Variants in VPS50 observed in about 807,000 individuals in gnomAD.
VPS50 encodes the protein VPS50 subunit of EARP/GARPII complex.
VPS50 carries 70 observed loss-of-function variants against 139.7 expected under a neutral mutation model. The ratio of observed to expected loss-of-function variants is 0.50; its 90% CI spans 0.41 to 0.61. The LOEUF (loss-of-function observed/expected upper bound fraction) is 0.61. Ranked by LOEUF, VPS50 falls within the 20% of genes least tolerant of loss-of-function variation. The probability of loss-of-function intolerance (pLI) is 0.00; values close to 1 mark genes in which losing one functional copy is unlikely to be tolerated. For missense variants in VPS50, 921 were observed against 1,133.7 expected (o/e 0.81, Z 2.69); for synonymous variants, 365 against 376.7 (o/e 0.97, Z 0.36).
chr7:93,348,753 G>C lies in VPS50; in HGVS notation c.2250G>C (p.Leu750=), dbSNP rs376064331. 12 of 1,613,556 alleles carry C rather than the reference G, an allele frequency of 7.4e-6. No homozygotes were observed. The Admixed American group carries it at 1.8e-4, about 25-fold the overall frequency. ...AEQFEFLQPH[L]DAVMPAVKKP... ...AGTTTGAGTTCCTTCAGCCACATCT[G>C]GATGCTGTGATGCCTGCAGTCAAAA... The change falls in exon 24 of 28, where the codon CTG becomes CTC. Residue 750 remains leucine (L), a synonymous_variant. Coordinates refer to ENST00000305866, the MANE Select transcript of VPS50 (RefSeq NM_017667.4).
chr7:93,357,764 A>G (rs1235817987), intron 27 of VPS50, among the ~76,000 whole-genome samples: 2 of 152,144 alleles, frequency 1.3e-5, no homozygotes, highest in Non-Finnish European at 2.9e-5. Context: ...TTCAGGAACC[A>G]GATGGATTTG....
intron 21 of VPS50, 56 bp downstream of exon 21, chr7:93,323,788 G>A: frequency 1.0e-6 from 1 of 973,682 alleles, no homozygotes; most frequent in Non-Finnish European, 1.4e-6. Context: ...TTTTATAAAT[G>A]TCAAAGTTTT....
intron 19 of VPS50, among the ~76,000 whole-genome samples, chr7:93,309,438 G>C (rs534861273): frequency 3.3e-5 from 5 of 151,936 alleles, no homozygotes; most frequent in Non-Finnish European, 7.4e-5. Flanking sequence ...AAAATATTGG[G>C]CATAATCAAA....
At chr7:93,299,640 C>T (rs1317804002) in intron 16 of VPS50, among the ~76,000 whole-genome samples, 1 of 152,106 alleles carries the variant, frequency 6.6e-6, no homozygotes, top group African/African-American at 2.4e-5. Flanking sequence ...TTTGGTGGAA[C>T]ATCTACTTAT....
chr7:93,254,283 T>A (rs1051239724), intron 4 of VPS50, among the ~76,000 whole-genome samples: 3 of 152,240 alleles, frequency 2.0e-5, no homozygotes, highest in African/African-American at 4.8e-5. Flanking sequence ...TCCTTTTTGT[T>A]TTTTGAGACA....
intron 13 of VPS50, 96 bp from the exon 14 acceptor site, chr7:93,294,449 T>C: frequency 9.4e-7 from 1 of 1,058,780 alleles, no homozygotes; most frequent in South Asian, 2.0e-5. Context: ...GTATCTTACA[T>C]AGACTTACAA....
chr7:93,260,677 T>G lies in VPS50; in HGVS notation c.659+1045T>G, dbSNP rs191653369. Among the ~76,000 whole-genome samples the G allele has an allele frequency of 5.3e-5, 8 of 151,418 alleles. No individual in the cohort carries two copies. In the East Asian group the frequency reaches 7.7e-4, roughly 15 times the overall value. On this transcript the variant is annotated intron_variant, in intron 9 of 27. Transcript: ENST00000305866. ...ATGTGCAGATTGAAGTTACATGTTTTTTTGTTTGTTTGTTTGTTTGTTTGT... is the reference window on the plus strand; with the variant it reads ...ATGTGCAGATTGAAGTTACATGTTTGTTTGTTTGTTTGTTTGTTTGTTTGT...
chr7:93,254,009 T>G (rs1430668555), intron 4 of VPS50, 78 bp downstream of exon 4: 5 of 687,094 alleles, frequency 7.3e-6, no homozygotes, highest in Non-Finnish European at 9.7e-6. Context: ...GTTTGCAGAT[T>G]TATGGTTTTA....
At chr7:93,352,012 T>C (rs557406549) in intron 25 of VPS50, among the ~76,000 whole-genome samples, 2 of 152,332 alleles carry the variant, frequency 1.3e-5, no homozygotes, top group Admixed American at 1.3e-4. Context: ...TTTCTAAGTC[T>C]AAGCATCTAA....
intron 2 of VPS50, among the ~76,000 whole-genome samples, chr7:93,246,977 A>G (rs1452962158): frequency 6.6e-6 from 1 of 151,936 alleles, no homozygotes; most frequent in Admixed American, 6.6e-5. Context: ...AGCTTTGCTA[A>G]ATCAAAGATG....
chr7:93,256,313 A>G (rs1461193112), intron 4 of VPS50, 196 bp from the exon 5 acceptor site: 2 of 378,428 alleles, frequency 5.3e-6, no homozygotes, highest in East Asian at 8.6e-5. Context: ...GACCTGTGCT[A>G]TGTGCTTTAT....
intron 25 of VPS50, among the ~76,000 whole-genome samples, chr7:93,351,928 A>G (rs773029477): frequency 2.0e-5 from 3 of 152,182 alleles, no homozygotes; most frequent in African/African-American, 4.8e-5. Flanking sequence ...CCTGAGCCCA[A>G]TTTTTAGCAG....
chr7:93,348,815 A>G lies in VPS50; in HGVS notation c.2304+8A>G, dbSNP rs774115699. ...CAGCAGTTCTATTCTCAGGTCAGAC[A>G]TGGTCTTGTATGTCATTTCAACTGT... On this transcript the variant is annotated splice_region_variant and intron_variant, in intron 24 of 27. Coordinates refer to ENST00000305866, the MANE Select transcript of VPS50 (RefSeq NM_017667.4). 2.0e-6 allele frequency: 3 copies of G among 1,520,194 alleles called. No individual in the cohort carries two copies. The highest frequency in any genetic ancestry group is 2.2e-5 in the South Asian group (2 of 88,986). The allele number at this position is 1,520,194 out of a possible 1,614,324, so 94.2% of individuals were successfully genotyped here. A position where few individuals can be genotyped will look rare whatever the true frequency, so the allele number is the denominator to read the frequency against.
Position 93,263,989 on chromosome 7 carries a change from G to T in VPS50, c.659+4357G>T, listed in dbSNP as rs537176295. 5.3e-5 allele frequency among the ~76,000 whole-genome samples: 8 copies of T among 152,272 alleles called. No individual in the cohort carries two copies. The South Asian group carries it at 1.7e-3, about 32-fold the overall frequency. On this transcript the variant is annotated intron_variant, in intron 9 of 27. Coordinates refer to ENST00000305866, the MANE Select transcript of VPS50 (RefSeq NM_017667.4). ...TTATAAGTAATCAAGATGATTTAAA[G>T]TATAAGGAGGATGCGGATAGGTTAT... is the stretch of plus-strand genomic sequence containing the variant.
chr7:93,308,538 C>CTT (rs1797179942), intron 18 of VPS50, among the ~76,000 whole-genome samples: 1 of 151,690 alleles, frequency 6.6e-6, no homozygotes, highest in South Asian at 2.1e-4. Flanking sequence ...AATGTATACT[C>CTT]TTTAGGCCTA....
chr7:93,356,054 A>G lies in VPS50; in HGVS notation c.2749A>G (p.Met917Val), dbSNP rs377485014. The stretch of plus-strand genomic sequence containing the variant: ...AGCTTATTACCTAACTGAGAATGAC[A>G]TGGAACGGTGGATCAAAGAGCACAG... ...IKAYYLTEND[M>V]ERWIKEHREY... Residue 917 changes from methionine to valine, a missense_variant, in exon 27 of 28, where the codon ATG becomes GTG. This residue lies in a region of VPS50 where 158 missense variants were observed against 156.3 expected (regional missense o/e 1.01). Transcript: ENST00000305866. 6.5e-7 allele frequency: 1 copy of G among 1,528,006 alleles called. No individual in the cohort carries two copies. The highest frequency in any genetic ancestry group is 8.9e-7 in the Non-Finnish European group (1 of 1,122,052). The allele number at this position is 1,528,006 out of a possible 1,614,324, so 94.7% of individuals were successfully genotyped here.
At chr7:93,239,266 G>A (rs1027919559) in intron 1 of VPS50, among the ~76,000 whole-genome samples, 3 of 151,984 alleles carry the variant, frequency 2.0e-5, no homozygotes, top group Non-Finnish European at 4.4e-5. Flanking sequence ...ATTTCCCCTG[G>A]TACAAATAAA....
At chr7:93,356,468 T>C (rs1798709441) in intron 27 of VPS50, among the ~76,000 whole-genome samples, 1 of 152,136 alleles carries the variant, frequency 6.6e-6, no homozygotes, top group South Asian at 2.1e-4. Flanking sequence ...ACTTAAACCT[T>C]CTCATACAAA....
intron 9 of VPS50, among the ~76,000 whole-genome samples, chr7:93,264,115 A>T (rs1299861170): frequency 6.6e-6 from 1 of 152,182 alleles, no homozygotes; most frequent in Non-Finnish European, 1.5e-5. Context: ...CTGAGGAATG[A>T]TTATCATATA....
Sources: gnomAD v4.1 joint callset for allele counts (sites outside exome capture counted in the v4.1 genomes callset) on GRCh38, gnomAD v4.1.1 for gene constraint, gnomAD v4.1.1 regional missense constraint, MANE v1.5 for transcripts, NCBI Gene and HGNC (gene_info 2026-07-23, HGNC 2026-07-21) for gene names.